UBASH3B: variants seen among roughly 807,000 people sequenced by gnomAD.
The protein encoded by UBASH3B is ubiquitin associated and SH3 domain containing B.
Under a neutral mutation model 83.4 loss-of-function variants are expected in UBASH3B, and 37 were observed. That is an observed-to-expected ratio of 0.44 (90% CI 0.34 to 0.58). The LOEUF (loss-of-function observed/expected upper bound fraction) is 0.58. UBASH3B is among the 20% of genes least tolerant of loss of function. The probability of loss-of-function intolerance (pLI) is 0.01; values close to 1 mark genes in which losing one functional copy is unlikely to be tolerated. For missense variants in UBASH3B, 657 were observed against 827.2 expected (o/e 0.79, Z 2.52); for synonymous variants, 304 against 318.3 (o/e 0.96, Z 0.48).
intron 1 of UBASH3B, among the ~76,000 whole-genome samples, chr11:122,700,803 T>C (rs573904585): frequency 5.9e-5 from 9 of 152,292 alleles, no homozygotes; most frequent in African/African-American, 1.9e-4. Context: ...GGCCTACTTC[T>C]GATCTTGATG....
chr11:122,765,355 C>T (rs988302275), intron 1 of UBASH3B, among the ~76,000 whole-genome samples: 1 of 152,326 alleles, frequency 6.6e-6, no homozygotes, highest in East Asian at 1.9e-4. Context: ...GGCCACTTCT[C>T]ACTGGGTTTC....
chr11:122,686,450 C>T (rs1277304159), intron 1 of UBASH3B, among the ~76,000 whole-genome samples: 4 of 152,176 alleles, frequency 2.6e-5, no homozygotes, highest in African/African-American at 7.2e-5. Context: ...AACCGGGATC[C>T]AAGGATGTGT....
intron 1 of UBASH3B, among the ~76,000 whole-genome samples, chr11:122,665,242 A>G (rs373388571): frequency 3.9e-5 from 6 of 151,958 alleles, no homozygotes; most frequent in South Asian, 4.1e-4. Flanking sequence ...CAATAACACG[A>G]TCCTAGCTCA....
intron 5 of UBASH3B, among the ~76,000 whole-genome samples, chr11:122,786,802 T>C (rs1280901134): frequency 6.6e-6 from 1 of 152,256 alleles, no homozygotes; most frequent in African/African-American, 2.4e-5. Flanking sequence ...AGAAAGGGCA[T>C]TGGGGACATG....
At chr11:122,735,816 G>A (rs1018201796) in intron 1 of UBASH3B, among the ~76,000 whole-genome samples, 1 of 152,238 alleles carries the variant, frequency 6.6e-6, no homozygotes, top group Admixed American at 6.5e-5. Context: ...GTTGTGGGAT[G>A]TAGGGGGCAT....
chr11:122,734,799 T>TA lies in UBASH3B; in HGVS notation c.162-41408dup, dbSNP rs1011855426. On this transcript the variant is annotated intron_variant, in intron 1 of 13. Coordinates refer to ENST00000284273, the MANE Select transcript of UBASH3B (RefSeq NM_032873.5). Reference sequence around the variant, plus strand: ...AATCCTCACTTTTTAAGCTGTATCTTAAAAAAAAAAAAGAAAAAGAAAAAG... The same window carrying TA: ...AATCCTCACTTTTTAAGCTGTATCTTAAAAAAAAAAAAAGAAAAAGAAAAAG... Among the ~76,000 whole-genome samples the TA allele has an allele frequency of 3.3e-3, 466 of 139,942 alleles. 3 individuals are homozygous for TA. Among genetic ancestry groups the TA allele is most frequent in the African/African-American group, 4.4e-3 (169 of 38,612 alleles). 91.8% of individuals were successfully genotyped at this position (139,942 alleles called of 152,430 possible). A position where few individuals can be genotyped will look rare whatever the true frequency, so the allele number is the denominator to read the frequency against.
At chr11:122,805,343 A>G (rs566233162) in intron 11 of UBASH3B, among the ~76,000 whole-genome samples, 263 of 152,300 alleles carry the variant, frequency 1.7e-3, no homozygotes, top group Middle Eastern at 6.8e-3. Context: ...CAGCCTGGCC[A>G]ACATGGTGAA....
chr11:122,688,625 C>T (rs12269930), intron 1 of UBASH3B, among the ~76,000 whole-genome samples: 1 of 137,348 alleles, frequency 7.3e-6, no homozygotes, highest in Admixed American at 7.3e-5. Flanking sequence ...TTTTTTCTTT[C>T]TTTTATTTTA....
At chr11:122,667,311 G>T (rs1030792893) in intron 1 of UBASH3B, among the ~76,000 whole-genome samples, 4 of 152,072 alleles carry the variant, frequency 2.6e-5, no homozygotes, top group Non-Finnish European at 5.9e-5. Context: ...CTCCCAAAGT[G>T]TTGGGATTAC....
At chr11:122,774,134 A>C (rs1860693795) in intron 1 of UBASH3B, 1 of 985,032 alleles carries the variant, frequency 1.0e-6, no homozygotes, top group Non-Finnish European at 1.2e-6. Context: ...GCAACCCAGC[A>C]GCAGTTGAGC....
At chr11:122,770,995 C>T (rs1591806083) in intron 1 of UBASH3B, among the ~76,000 whole-genome samples, 2 of 152,218 alleles carry the variant, frequency 1.3e-5, no homozygotes, top group East Asian at 3.9e-4. Context: ...CAGGTCCAAG[C>T]TCTAAAGTGA....
intron 1 of UBASH3B, among the ~76,000 whole-genome samples, chr11:122,696,241 C>G (rs1346577387): frequency 6.6e-6 from 1 of 151,822 alleles, no homozygotes; most frequent in East Asian, 1.9e-4. Flanking sequence ...TGAGCTACTG[C>G]GCCCGGCCCC....
At chr11:122,766,255 A>G (rs1253648649) in intron 1 of UBASH3B, among the ~76,000 whole-genome samples, 1 of 152,106 alleles carries the variant, frequency 6.6e-6, no homozygotes, top group East Asian at 1.9e-4. Flanking sequence ...GATATAAAAT[A>G]GGATATAGTG....
At chr11:122,800,695 G>A (rs1360838774) in intron 10 of UBASH3B, among the ~76,000 whole-genome samples, 4 of 151,832 alleles carry the variant, frequency 2.6e-5, no homozygotes, top group African/African-American at 4.8e-5. Context: ...TACAACTTTC[G>A]CCTCCTGGGT....
At chr11:122,800,187 A>G (rs938703073) in intron 10 of UBASH3B, among the ~76,000 whole-genome samples, 4 of 152,142 alleles carry the variant, frequency 2.6e-5, no homozygotes, top group African/African-American at 9.7e-5. Context: ...ACGATGTTGG[A>G]TACTCAGAGA....
At position 122,758,563 on chromosome 11, in the gene UBASH3B, C is replaced by A. The variant is rs1861319909; in HGVS notation, c.162-17656C>A. 6.6e-6 allele frequency among the ~76,000 whole-genome samples: 1 copy of A among 152,190 alleles called. No individual in the cohort carries two copies. The highest frequency in any genetic ancestry group is 2.1e-4 in the South Asian group (1 of 4,828). On this transcript the variant is annotated intron_variant, in intron 1 of 13. Transcript: ENST00000284273. This position sits in a 1 kb window ranked among gnomAD's most constrained non-coding sequence, Gnocchi z 4.2. ...TGGCCGTAGAACACCGACCCTGTGC[C>A]AAACTCAGAGCTAAGCATGTCACAT...
intron 3 of UBASH3B, 53 bp downstream of exon 3, chr11:122,777,263 G>A (rs749061100): frequency 1.6e-4 from 255 of 1,547,914 alleles, no homozygotes; most frequent in Non-Finnish European, 1.9e-4. Context: ...GATCCCAGCC[G>A]GCCCTTTGGG....
At position 122,812,791 on chromosome 11, in the gene UBASH3B, A is replaced by C. The variant is rs891281304; in HGVS notation, c.*2905A>C. On this transcript the variant is annotated 3_prime_UTR_variant, in exon 14 of 14. Transcript: ENST00000284273. The stretch of plus-strand genomic sequence containing the variant: ...TACCGCGTCTGTTCCTCCATGGACC[A>C]GAGTAATTGGCACATTTTAATGCAT... The C allele has an allele frequency of 6.6e-6, 1 of 152,226 alleles. No individual in the cohort carries two copies. The highest frequency in any genetic ancestry group is 2.4e-5 in the African/African-American group (1 of 41,454). The allele number at this position is 152,226 out of a possible 1,614,324, so 9.4% of individuals were successfully genotyped here. A position where few individuals can be genotyped will look rare whatever the true frequency, so the allele number is the denominator to read the frequency against.
intron 1 of UBASH3B, among the ~76,000 whole-genome samples, chr11:122,713,058 C>G (rs1864221070): frequency 6.6e-6 from 1 of 151,850 alleles, no homozygotes; most frequent in Non-Finnish European, 1.5e-5. Context: ...CAGGCACCCG[C>G]CACCACGCCC....
Sources: allele counts gnomAD v4.1 joint callset (sites outside exome capture counted in the v4.1 genomes callset), GRCh38; gene constraint gnomAD v4.1.1; non-coding constraint Gnocchi (gnomAD v3.1); transcripts MANE v1.5; gene names NCBI Gene and HGNC (gene_info 2026-07-23, HGNC 2026-07-21).